Variants in NXPH4 observed in about 807,000 individuals in gnomAD.
The protein encoded by NXPH4 is neurexophilin 4.
NXPH4 carries 8 observed loss-of-function variants against 21.3 expected under a neutral mutation model. The observed-to-expected ratio is 0.38, with a 90% CI of 0.22 to 0.68. NXPH4 has a LOEUF of 0.68. Among genes scored for constraint, NXPH4 ranks in the 30% least tolerant of loss-of-function variants. NXPH4 has a pLI of 0.53. For missense variants in NXPH4, 418 were observed against 416.8 expected, an observed-to-expected ratio of 1.00 and a Z score of -0.03; for synonymous variants, 219 against 192.6, an observed-to-expected ratio of 1.14 and a Z score of -1.13.
chr12:57,220,749 G>A (rs976840430), intron 1 of NXPH4, among the ~76,000 whole-genome samples: 1 of 151,932 alleles, frequency 6.6e-6, no homozygotes, highest in Non-Finnish European at 1.5e-5. Flanking sequence ...CTCTGTCCCC[G>A]TCTCCTGTGT....
At chr12:57,221,325 C>G (rs1337060103) in intron 1 of NXPH4, 1 of 455,838 alleles carries the variant, frequency 2.2e-6, no homozygotes, top group South Asian at 1.5e-5. Context: ...TGGACTGTCC[C>G]TTCCTCCGGC....
At chr12:57,221,873 G>T (rs1188002474) in intron 1 of NXPH4, among the ~76,000 whole-genome samples, 1 of 152,158 alleles carries the variant, frequency 6.6e-6, no homozygotes, top group Admixed American at 6.5e-5. Context: ...TGTTGCTGGA[G>T]ACAGACAACC....
Position 57,226,200 on chromosome 12 carries a change from C to T in NXPH4, c.*453C>T, listed in dbSNP as rs956591986. 5.0e-6 allele frequency: 2 copies of T among 400,948 alleles called. No homozygotes were observed. The highest frequency in any genetic ancestry group is 4.4e-6 in the Non-Finnish European group (1 of 225,830). The allele number at this position is 400,948 out of a possible 1,614,324, so 24.8% of individuals were successfully genotyped here. On this transcript the variant is annotated 3_prime_UTR_variant, in exon 2 of 2. Coordinates refer to ENST00000349394, the MANE Select transcript of NXPH4 (RefSeq NM_007224.4). Reference sequence around the variant, plus strand: ...CCTAAGACTGTAAAGGCCTAAAAACCTCGGCCTGTCCTCCCACCATTCTGC... The same window carrying T: ...CCTAAGACTGTAAAGGCCTAAAAACTTCGGCCTGTCCTCCCACCATTCTGC...
chr12:57,216,905 T>A lies in NXPH4; in HGVS notation c.-65T>A. 8.4e-7 allele frequency: 1 copy of A among 1,195,220 alleles called. No individual in the cohort carries two copies. The highest frequency in any genetic ancestry group is 1.1e-6 in the Non-Finnish European group (1 of 918,898). 74.0% of individuals were successfully genotyped at this position (1,195,220 alleles called of 1,614,324 possible). A position where few individuals can be genotyped will look rare whatever the true frequency, so the allele number is the denominator to read the frequency against. ...CCCGCCGCCCGCCCGGAGCCCCGCG[T>A]CCCTAGGCCTGGCTCCCGCCTGCCC... On this transcript the variant is annotated 5_prime_UTR_variant, in exon 1 of 2. Coordinates refer to ENST00000349394, the MANE Select transcript of NXPH4 (RefSeq NM_007224.4). The surrounding 1 kb of genome is among the most constrained non-coding windows in gnomAD (Gnocchi z 5.3).
chr12:57,223,469 C>T (rs2136771373), intron 1 of NXPH4, among the ~76,000 whole-genome samples: 1 of 152,156 alleles, frequency 6.6e-6, no homozygotes, highest in Admixed American at 6.5e-5. Context: ...CCATGGGCAT[C>T]CAGATACACA....
chr12:57,217,112 G>T lies in NXPH4; in HGVS notation c.57+86G>T. The T allele has an allele frequency of 3.3e-6, 4 of 1,215,184 alleles. No homozygotes were observed. The South Asian group carries it at 4.0e-5, about 12-fold the overall frequency. 75.3% of individuals were successfully genotyped at this position (1,215,184 alleles called of 1,614,324 possible). ...AGTGTGCGAGGGGCTCCGTGCGCCC[G>T]CCCCGCCCCCAGCTCCGAGCGTCCC... On this transcript the variant is annotated intron_variant, in intron 1 of 1. Coordinates refer to ENST00000349394, the MANE Select transcript of NXPH4 (RefSeq NM_007224.4).
intron 1 of NXPH4, among the ~76,000 whole-genome samples, chr12:57,220,209 C>T (rs920832459): frequency 6.6e-6 from 1 of 152,110 alleles, no homozygotes; most frequent in Non-Finnish European, 1.5e-5. Context: ...CTGCCTTGAG[C>T]GCTGGAAATT....
intron 1 of NXPH4, among the ~76,000 whole-genome samples, chr12:57,219,187 CG>C (rs1214397844): frequency 1.3e-5 from 2 of 152,028 alleles, no homozygotes; most frequent in African/African-American, 4.8e-5. Context: ...TAACCATGAA[CG>C]GCTGACACCT....
chr12:57,219,515 C>T (rs1200864561), intron 1 of NXPH4, among the ~76,000 whole-genome samples: 2 of 152,172 alleles, frequency 1.3e-5, no homozygotes, highest in Non-Finnish European at 2.9e-5. Context: ...GACCTGCCAG[C>T]TCTATCCCGC....
In NXPH4 at chr12:57,226,108, G is replaced by A. The variant is rs2037145931; in HGVS notation, c.*361G>A. ...TTCCCCGCAGCTTTAATAACTCCTG[G>A]CCTGGCACCCTCACCCCACCCTGAC... is the stretch of plus-strand genomic sequence containing the variant. On this transcript the variant is annotated 3_prime_UTR_variant, in exon 2 of 2. Transcript: ENST00000349394. 1 of 486,058 alleles carries A rather than the reference G, an allele frequency of 2.1e-6. No homozygotes were observed. The allele number at this position is 486,058 out of a possible 1,614,324, so 30.1% of individuals were successfully genotyped here.
At chr12:57,220,418 C>A (rs1043474094) in intron 1 of NXPH4, among the ~76,000 whole-genome samples, 1 of 152,246 alleles carries the variant, frequency 6.6e-6, no homozygotes, top group African/African-American at 2.4e-5. Flanking sequence ...GGGGGGCAGT[C>A]GTTCCCGCGG....
chr12:57,220,134 G>T (rs182586858), intron 1 of NXPH4, among the ~76,000 whole-genome samples: 40 of 152,308 alleles, frequency 2.6e-4, no homozygotes, highest in African/African-American at 9.4e-4. Flanking sequence ...GGGCTCAGGC[G>T]CAGGAGGAGT....
intron 1 of NXPH4, among the ~76,000 whole-genome samples, chr12:57,223,969 G>A (rs916123070): frequency 1.3e-5 from 2 of 152,210 alleles, no homozygotes; most frequent in Non-Finnish European, 1.5e-5. Flanking sequence ...GAGCACTGGC[G>A]ACTGGGAGGG....
At chr12:57,220,683 G>A (rs1189360154) in intron 1 of NXPH4, among the ~76,000 whole-genome samples, 1 of 151,876 alleles carries the variant, frequency 6.6e-6, no homozygotes, top group African/African-American at 2.4e-5. Context: ...GCCTGATCCT[G>A]CCTGGTCTTT....
Position 57,216,812 on chromosome 12 carries a change from C to T in NXPH4, c.-158C>T. ...CGCCCCCAGCGCCGGCTCCGCGCCT[C>T]GCGCCCAGTCCGCGGGCCGCGCCGC... On this transcript the variant is annotated 5_prime_UTR_variant, in exon 1 of 2. Transcript: ENST00000349394. The surrounding 1 kb of genome is among the most constrained non-coding windows in gnomAD (Gnocchi z 5.3). 3.9e-6 allele frequency: 1 copy of T among 254,902 alleles called. No homozygotes were observed. The highest frequency in any genetic ancestry group is 5.7e-6 in the Non-Finnish European group (1 of 174,750). 15.8% of individuals were successfully genotyped at this position (254,902 alleles called of 1,614,324 possible). A position where few individuals can be genotyped will look rare whatever the true frequency, so the allele number is the denominator to read the frequency against.
In NXPH4 at chr12:57,224,939, C is replaced by A; in HGVS notation, c.119C>A (p.Ala40Glu). 2 of 1,377,968 alleles carry A rather than the reference C, an allele frequency of 1.5e-6. No homozygotes were observed. The highest frequency in any genetic ancestry group is 9.4e-7 in the Non-Finnish European group (1 of 1,058,392). The allele number at this position is 1,377,968 out of a possible 1,614,324, so 85.4% of individuals were successfully genotyped here. ...RPQYLGLRPA[A>E]AGAGAPGQQL... ...CAGTACCTGGGGCTGCGCCCCGCCG[C>A]GGCCGGAGCGGGTGCCCCCGGCCAG... The change falls in exon 2 of 2, where the codon GCG becomes GAG. Residue 40 changes from alanine to glutamate, a missense_variant. Ala to Glu is a moderately radical substitution (Grantham distance 107). Coordinates refer to ENST00000349394, the MANE Select transcript of NXPH4 (RefSeq NM_007224.4).
At chr12:57,223,926 G>A (rs2037116676) in intron 1 of NXPH4, among the ~76,000 whole-genome samples, 2 of 152,114 alleles carry the variant, frequency 1.3e-5, no homozygotes, top group South Asian at 4.1e-4. Context: ...TGGAGCCCAG[G>A]AAAAGAACGG....
At chr12:57,224,434 T>C (rs1407948174) in intron 1 of NXPH4, among the ~76,000 whole-genome samples, 1 of 152,194 alleles carries the variant, frequency 6.6e-6, no homozygotes, top group Non-Finnish European at 1.5e-5. Flanking sequence ...CGGGAGCCTC[T>C]TTCTTGATGC....
At chr12:57,221,965 GA>G (rs759197817) in intron 1 of NXPH4, among the ~76,000 whole-genome samples, 1 of 152,210 alleles carries the variant, frequency 6.6e-6, no homozygotes, top group Non-Finnish European at 1.5e-5. Flanking sequence ...GAGACAGTGA[GA>G]AAAGAGACTG....
Sources: gnomAD v4.1 joint callset for allele counts (sites outside exome capture counted in the v4.1 genomes callset) on GRCh38, gnomAD v4.1.1 for gene constraint, Gnocchi (gnomAD v3.1) non-coding constraint, MANE v1.5 for transcripts, NCBI Gene and HGNC (gene_info 2026-07-23, HGNC 2026-07-21) for gene names.